Variants in TENM3 observed in about 807,000 individuals in gnomAD.
TENM3 encodes teneurin transmembrane protein 3.
A neutral mutation model predicts 255.1 loss-of-function variants in TENM3; 63 were observed. The ratio of observed to expected loss-of-function variants is 0.25; its 90% CI spans 0.20 to 0.30. The LOEUF is 0.30. TENM3 is among the 10% of genes least tolerant of loss of function. TENM3 has a pLI of 1.00. For synonymous variants in TENM3, 1,306 were observed against 1,322.3 expected, an observed-to-expected ratio of 0.99 and a Z score of 0.27; for missense variants, 2,929 against 3,461.1, an observed-to-expected ratio of 0.85 and a Z score of 3.86.
chr4:182,138,364 T>A, the TENM3 span, among the ~76,000 whole-genome samples: 2 of 152,242 alleles, frequency 1.3e-5, no homozygotes, highest in Non-Finnish European at 2.9e-5. Flanking sequence ...GTTGAATTTA[T>A]AGCTCAATTT....
intron 1 of TENM3, among the ~76,000 whole-genome samples, chr4:182,235,721 A>G (rs1029910614): frequency 6.6e-6 from 1 of 152,192 alleles, no homozygotes; most frequent in Non-Finnish European, 1.5e-5. Flanking sequence ...GCCATCTCTC[A>G]CAAGCAAACA....
the TENM3 span, among the ~76,000 whole-genome samples, chr4:182,120,743 A>G: frequency 6.6e-6 from 1 of 152,150 alleles, no homozygotes; most frequent in African/African-American, 2.4e-5. Context: ...AACTGTTCTG[A>G]GCAAGTGAAT....
the TENM3 span, among the ~76,000 whole-genome samples, chr4:181,468,938 C>T: frequency 0.38 from 57,879 of 151,994 alleles, 11,683 homozygotes; most frequent in Non-Finnish European, 0.45. Context: ...GTAAATTTGC[C>T]TTTTGCTTCC....
At chr4:181,508,401 T>C in the TENM3 span, among the ~76,000 whole-genome samples, 1 of 152,230 alleles carries the variant, frequency 6.6e-6, no homozygotes, top group Admixed American at 6.5e-5. Context: ...TAAAATATTG[T>C]CTTTTTCTGA....
At position 182,628,809 on chromosome 4, in the gene TENM3, A is replaced by G. The variant is rs1751076186; in HGVS notation, c.908A>G (p.Lys303Arg). 1 of 1,611,334 alleles carries G rather than the reference A, an allele frequency of 6.2e-7. No individual in the cohort carries two copies. Among genetic ancestry groups the G allele is most frequent in the Non-Finnish European group, 8.5e-7 (1 of 1,178,834 alleles). Residue 303 changes from lysine to arginine, a missense_variant, in exon 5 of 28, where the codon AAG (lysine) becomes AGG (arginine). Physicochemically the swap from Lys to Arg is conservative, Grantham distance 26. Coordinates refer to ENST00000511685, the MANE Select transcript of TENM3 (RefSeq NM_001080477.4). ...GCTTTTAAATTCAAGAAGTCTTCAA[A>G]GTACTGTAGCTGGAAATGCACTGCA... is the stretch of plus-strand genomic sequence containing the variant. Reference protein sequence around the residue: ...RSAFKFKKSSKYCSWKCTALC... With the variant: ...RSAFKFKKSSRYCSWKCTALC...
chr4:182,236,561 C>G (rs930002425), intron 1 of TENM3, among the ~76,000 whole-genome samples: 13 of 152,088 alleles, frequency 8.5e-5, no homozygotes, highest in African/African-American at 3.1e-4. Context: ...ACTTGTTTTT[C>G]CCAGTGTAGA....
At chr4:181,816,607 A>G in the TENM3 span, among the ~76,000 whole-genome samples, 22 of 152,244 alleles carry the variant, frequency 1.4e-4, no homozygotes, top group South Asian at 2.5e-3. Flanking sequence ...ACAACATTAC[A>G]TGTCTAAAAA....
chr4:182,171,189 G>T (rs993760820), intron 1 of TENM3, among the ~76,000 whole-genome samples: 1 of 151,956 alleles, frequency 6.6e-6, no homozygotes, highest in East Asian at 1.9e-4. Flanking sequence ...TTAATACCAC[G>T]TAAGTAAATG....
chr4:181,707,742 T>C, the TENM3 span, among the ~76,000 whole-genome samples: 1 of 152,202 alleles, frequency 6.6e-6, no homozygotes, highest in East Asian at 1.9e-4. Context: ...CTATACTATG[T>C]GCCTGTTTTG....
chr4:181,528,038 T>G, the TENM3 span, among the ~76,000 whole-genome samples: 1 of 152,078 alleles, frequency 6.6e-6, no homozygotes, highest in African/African-American at 2.4e-5. Flanking sequence ...GAGGATAAAA[T>G]TCTCTGTGTA....
chr4:181,573,229 T>C, the TENM3 span, among the ~76,000 whole-genome samples: 1 of 152,322 alleles, frequency 6.6e-6, no homozygotes, highest in East Asian at 1.9e-4. Flanking sequence ...CTTGATCTAC[T>C]GATTTCCTTT....
In TENM3 at chr4:182,631,939, C is replaced by T. The variant is rs188695928; in HGVS notation, c.988+3050C>T. On this transcript the variant is annotated intron_variant, in intron 5 of 27. Coordinates refer to ENST00000511685, the MANE Select transcript of TENM3 (RefSeq NM_001080477.4). ...AGGTGAACAGCTTCTGAAAGAGAGGCAAGGAGGGAGGGAGGGAGGTGGACA... is the reference window on the plus strand; with the variant it reads ...AGGTGAACAGCTTCTGAAAGAGAGGTAAGGAGGGAGGGAGGGAGGTGGACA... 8.5e-5 allele frequency among the ~76,000 whole-genome samples: 13 copies of T among 152,090 alleles called. No individual in the cohort carries two copies. In the East Asian group the frequency reaches 2.3e-3, roughly 27 times the overall value.
chr4:181,822,547 G>C, the TENM3 span, among the ~76,000 whole-genome samples: 3 of 152,084 alleles, frequency 2.0e-5, no homozygotes, highest in Non-Finnish European at 4.4e-5. Flanking sequence ...ATAAATAAAA[G>C]CTTTATCTAT....
chr4:181,636,215 T>C, the TENM3 span, among the ~76,000 whole-genome samples: 1 of 152,154 alleles, frequency 6.6e-6, no homozygotes, highest in Non-Finnish European at 1.5e-5. Context: ...CCGGCTAATT[T>C]TGTATTTTTA....
At chr4:182,154,005 T>A (rs776633886) in intron 1 of TENM3, among the ~76,000 whole-genome samples, 5 of 152,270 alleles carry the variant, frequency 3.3e-5, no homozygotes, top group Non-Finnish European at 7.4e-5. Context: ...GTAGGGATTA[T>A]TTTTTATTAT....
At chr4:181,556,927 A>G in the TENM3 span, among the ~76,000 whole-genome samples, 1 of 152,064 alleles carries the variant, frequency 6.6e-6, no homozygotes, top group African/African-American at 2.4e-5. Flanking sequence ...AGCTCTCCCA[A>G]CTCTTTGATT....
At chr4:182,718,036 C>G (rs867006738) in intron 13 of TENM3, among the ~76,000 whole-genome samples, 1 of 152,096 alleles carries the variant, frequency 6.6e-6, no homozygotes, top group Non-Finnish European at 1.5e-5. Context: ...TCTGCCCTGT[C>G]TCACAGTGAA....
chr4:181,494,174 T>A, the TENM3 span, among the ~76,000 whole-genome samples: 1 of 152,196 alleles, frequency 6.6e-6, no homozygotes, highest in Non-Finnish European at 1.5e-5. Flanking sequence ...TCTATAATAT[T>A]TGCTACTAAT....
intron 3 of TENM3, among the ~76,000 whole-genome samples, chr4:182,416,368 G>T (rs987081410): frequency 8.6e-5 from 13 of 151,996 alleles, no homozygotes; most frequent in African/African-American, 3.1e-4. Flanking sequence ...CAAAAAGTAG[G>T]CAGTGAGTGT....
Sources: gnomAD v4.1 joint callset for allele counts (sites outside exome capture counted in the v4.1 genomes callset) on GRCh38, gnomAD v4.1.1 for gene constraint, MANE v1.5 for transcripts, NCBI Gene and HGNC (gene_info 2026-07-23, HGNC 2026-07-21) for gene names.